The following BUD13 variants were observed in gnomAD, a reference collection of about 807,000 sequenced individuals.
The protein encoded by BUD13 is BUD13 spliceosome associated protein, also known as BUD13 homolog.
A neutral mutation model predicts 62.5 loss-of-function variants in BUD13; 47 were observed. The ratio of observed to expected loss-of-function variants is 0.75; its 90% CI spans 0.60 to 0.96. BUD13 has a LOEUF of 0.96. Ranked by LOEUF, BUD13 falls within the 40% of genes least tolerant of loss-of-function variation. The pLI, the probability that BUD13 is intolerant of heterozygous loss-of-function variation, is 0.00. For missense variants in BUD13, 821 were observed against 790.9 expected, an observed-to-expected ratio of 1.04 and a Z score of -0.46; for synonymous variants, 293 against 280.1, an observed-to-expected ratio of 1.05 and a Z score of -0.46.
intron 3 of BUD13, 89 bp from the exon 4 acceptor site, chr11:116,763,355 G>A: frequency 8.1e-7 from 1 of 1,236,200 alleles, no homozygotes; most frequent in Non-Finnish European, 1.1e-6. Flanking sequence ...TGCTCCAGTA[G>A]CACATACCTC....
rs1940386123 is a variant in BUD13 at position 116,759,129 on chromosome 11, T to A, written c.1305A>T (p.Ile435=). The stretch of plus-strand genomic sequence containing the variant: ...CCTTGAGCTCCTGCTGTTCTCGCTG[T>A]ATGTCAGTTAACACCAACCCAGTTT... ...GAKTGLVLTD[I]QREQQELKEQ... is the part of the protein sequence containing the mutation. The change falls in exon 6 of 10, where the codon ATA becomes ATT. Residue 435 remains isoleucine (I), a synonymous_variant. Transcript: ENST00000260210. 1 of 1,614,038 alleles carries A rather than the reference T, an allele frequency of 6.2e-7. No homozygotes were observed. The highest frequency in any genetic ancestry group is 1.1e-5 in the South Asian group (1 of 91,088).
Position 116,772,969 on chromosome 11 carries a change from G to A in BUD13, c.-5C>T. 6.5e-7 allele frequency: 1 copy of A among 1,536,664 alleles called. No individual in the cohort carries two copies. The highest frequency in any genetic ancestry group is 8.8e-7 in the Non-Finnish European group (1 of 1,137,016). On this transcript the variant is annotated 5_prime_UTR_variant, in exon 1 of 10. Coordinates refer to ENST00000260210, the MANE Select transcript of BUD13 (RefSeq NM_032725.4). ...AAGCGGCGGAGCTGCCGCCATGGCA[G>A]CGGCGGGGGCAGAGAGACGGGTCGG... is the stretch of plus-strand genomic sequence containing the variant.
In BUD13 at chr11:116,762,830, C is replaced by T. The variant is rs1204067467; in HGVS notation, c.759G>A (p.Arg253=). Residue 253 remains arginine, a synonymous_variant, in exon 4 of 10, where the codon AGG becomes AGA. Coordinates refer to ENST00000260210, the MANE Select transcript of BUD13 (RefSeq NM_032725.4). ...RVHNNSPDTS[R]RTLGSSDTQQ... The stretch of plus-strand genomic sequence containing the variant: ...GTGTGTCTGAAGAGCCAAGAGTCCT[C>T]CTAGATGTGTCAGGGGAGTTGTTAT... 3 of 1,613,732 alleles carry T rather than the reference C, an allele frequency of 1.9e-6. No homozygotes were observed. The highest frequency in any genetic ancestry group is 3.3e-5 in the Admixed American group (2 of 59,962).
chr11:116,762,857 G>A lies in BUD13; in HGVS notation c.732C>T (p.Val244=), dbSNP rs770238071. ...TAGATGTGTCAGGGGAGTTGTTATG[G>A]ACCCTTCTGGGGGAAGAGATATCTG... The part of the protein sequence containing the change: ...GSSDISSPRR[V]HNNSPDTSRR... The change falls in exon 4 of 10, where the codon GTC becomes GTT. Residue 244 remains valine (V), a synonymous_variant. Coordinates refer to ENST00000260210, the MANE Select transcript of BUD13 (RefSeq NM_032725.4). 1 of 1,613,556 alleles carries A rather than the reference G, an allele frequency of 6.2e-7. No individual in the cohort carries two copies. Among genetic ancestry groups the A allele is most frequent in the African/African-American group, 1.3e-5 (1 of 74,738 alleles).
In BUD13 at chr11:116,762,203, A is replaced by C. The variant is rs571989996; in HGVS notation, c.1036+350T>G. Among the ~76,000 whole-genome samples, 5 of 152,326 alleles carry C rather than the reference A, an allele frequency of 3.3e-5. No homozygotes were observed. The South Asian group carries it at 1.0e-3, about 32-fold the overall frequency. ...TACACAGCCAGAGCTCAACTATATA[A>C]AAAATGCAAACCAAAAAAGACTAAG... On this transcript the variant is annotated intron_variant, in intron 4 of 9. Transcript: ENST00000260210.
chr11:116,751,617 C>T (rs770251997), intron 9 of BUD13, among the ~76,000 whole-genome samples: 5 of 151,194 alleles, frequency 3.3e-5, no homozygotes, highest in Non-Finnish European at 7.4e-5. Context: ...GCAACAAGAG[C>T]GAAATTCCGT....
rs562968835 is a variant in BUD13 at position 116,751,923 on chromosome 11, A to C, written c.1767-3348T>G. Among the ~76,000 whole-genome samples, 3 of 152,152 alleles carry C rather than the reference A, an allele frequency of 2.0e-5. No individual in the cohort carries two copies. The South Asian group carries it at 6.2e-4, about 32-fold the overall frequency. ...TCAGGGAAATTGCATGACTCTAGGC[A>C]AACTGCTTATTTATTGGGCCTCAGT... On this transcript the variant is annotated intron_variant, in intron 9 of 9. Coordinates refer to ENST00000260210, the MANE Select transcript of BUD13 (RefSeq NM_032725.4).
chr11:116,769,435 T>C (rs1940584745), intron 2 of BUD13, among the ~76,000 whole-genome samples: 1 of 152,220 alleles, frequency 6.6e-6, no homozygotes. Context: ...TAGGCAAGAA[T>C]ATACAATTTG....
chr11:116,749,306 G>A (rs567888804), intron 9 of BUD13, among the ~76,000 whole-genome samples: 1 of 152,310 alleles, frequency 6.6e-6, no homozygotes, highest in East Asian at 1.9e-4. Context: ...CAGACTAGTG[G>A]AAGAGAGAGA....
At chr11:116,760,367 A>AG (rs1173783413) in intron 5 of BUD13, among the ~76,000 whole-genome samples, 1 of 152,260 alleles carries the variant, frequency 6.6e-6, no homozygotes, top group Admixed American at 6.5e-5. Context: ...AAGTGGCAGA[A>AG]GGAGAATTTC....
In BUD13 at chr11:116,748,358, T is replaced by C; in HGVS notation, c.*124A>G. 1.3e-6 allele frequency: 1 copy of C among 777,902 alleles called. No individual in the cohort carries two copies. Among genetic ancestry groups the C allele is most frequent in the South Asian group, 1.7e-5 (1 of 58,948 alleles). The allele number at this position is 777,902 out of a possible 1,614,324, so 48.2% of individuals were successfully genotyped here. On this transcript the variant is annotated 3_prime_UTR_variant, in exon 10 of 10. Transcript: ENST00000260210. ...TCGAATATTCTTCTGTGGTCAAAAC[T>C]GGCATTCAACAAGTTGCTGGTCTGT...
intron 5 of BUD13, 121 bp downstream of exon 5, chr11:116,760,614 T>C: frequency 8.6e-7 from 1 of 1,164,322 alleles, no homozygotes; most frequent in African/African-American, 1.5e-5. Flanking sequence ...TCCTTTTAAC[T>C]AAGATTTACT....
At chr11:116,751,950 TC>T (rs1940242695) in intron 9 of BUD13, among the ~76,000 whole-genome samples, 1 of 151,810 alleles carries the variant, frequency 6.6e-6, no homozygotes, top group Admixed American at 6.6e-5. Context: ...GGCCTCAGTT[TC>T]TCTTTTTTTT....
chr11:116,760,285 T>C (rs1479175397), intron 5 of BUD13, among the ~76,000 whole-genome samples: 2 of 152,218 alleles, frequency 1.3e-5, no homozygotes, highest in Non-Finnish European at 2.9e-5. Context: ...GTACTACTAT[T>C]ATCCACAATT....
chr11:116,763,773 G>A (rs1940481209), intron 3 of BUD13, among the ~76,000 whole-genome samples: 1 of 152,044 alleles, frequency 6.6e-6, no homozygotes, highest in African/African-American at 2.4e-5. Flanking sequence ...TCTTTCAATA[G>A]GTAAATTGAC....
At chr11:116,755,115 C>G (rs1388684778) in intron 9 of BUD13, among the ~76,000 whole-genome samples, 1 of 152,144 alleles carries the variant, frequency 6.6e-6, no homozygotes, top group Non-Finnish European at 1.5e-5. Flanking sequence ...CAAATATTTT[C>G]AAGAAGAGGA....
At chr11:116,754,143 C>A (rs964716399) in intron 9 of BUD13, among the ~76,000 whole-genome samples, 19 of 152,306 alleles carry the variant, frequency 1.2e-4, no homozygotes, top group African/African-American at 4.6e-4. Context: ...CCTCCCTGGG[C>A]TCAGTGATCC....
chr11:116,757,988 A>G (rs778593758), intron 7 of BUD13, 38 bp from the exon 8 acceptor site: 2 of 1,607,748 alleles, frequency 1.2e-6, no homozygotes, highest in Non-Finnish European at 1.7e-6. Context: ...GCTATCCTGT[A>G]TGACATTTCC....
chr11:116,750,226 T>C lies in BUD13; in HGVS notation c.1767-1651A>G, dbSNP rs1361897702. Among the ~76,000 whole-genome samples, 109 of 151,034 alleles carry C rather than the reference T, an allele frequency of 7.2e-4. 1 individual carries two copies. The highest frequency in any genetic ancestry group is 3.0e-5 in the Non-Finnish European group (2 of 67,700). On this transcript the variant is annotated intron_variant, in intron 9 of 9. Coordinates refer to ENST00000260210, the MANE Select transcript of BUD13 (RefSeq NM_032725.4). ...TAAGAGGTGCACAGAGGAAGAGGAG[T>C]TTGCAAAGGTGGCCAAGAATGATCA...
Sources: allele counts gnomAD v4.1 joint callset (sites outside exome capture counted in the v4.1 genomes callset), GRCh38; gene constraint gnomAD v4.1.1; transcripts MANE v1.5; gene names NCBI Gene and HGNC (gene_info 2026-07-23, HGNC 2026-07-21).